Variants in MGST1 observed in about 807,000 individuals in gnomAD.
MGST1 encodes microsomal glutathione S-transferase 1.
Under a neutral mutation model 8.9 loss-of-function variants are expected in MGST1, and 5 were observed. The ratio of observed to expected loss-of-function variants is 0.56; its 90% CI spans 0.29 to 1.19. MGST1 has a LOEUF of 1.19. Ranked by LOEUF, MGST1 falls within the 50% of genes most tolerant of loss-of-function variation. The pLI, the probability that MGST1 is intolerant of heterozygous loss-of-function variation, is 0.08. For missense variants in MGST1, 182 were observed against 187.4 expected, an observed-to-expected ratio of 0.97 and a Z score of 0.17; for synonymous variants, 54 against 67.8, an observed-to-expected ratio of 0.80 and a Z score of 1.00.
At chr12:16,483,988 T>C (rs1941381799) in intron 4 of MGST1, among the ~76,000 whole-genome samples, 1 of 152,200 alleles carries the variant, frequency 6.6e-6, no homozygotes, top group African/African-American at 2.4e-5. Context: ...AGTAATATCA[T>C]ATTGCACATA....
At chr12:16,579,266 A>C (rs957989374) in intron 4 of MGST1, among the ~76,000 whole-genome samples, 4 of 152,258 alleles carry the variant, frequency 2.6e-5, no homozygotes, top group African/African-American at 9.6e-5. Context: ...TTAGGAAACC[A>C]AGAACAAGAA....
In MGST1 at chr12:16,361,260, C is replaced by G. The variant is rs1233996337; in HGVS notation, c.222-2535C>G. ...CAGCTCCTTTTGTAGTTGTTCACAG[C>G]CTGACAATCCCCAGAAGCATGTAGC... On this transcript the variant is annotated intron_variant, in intron 3 of 3. Coordinates refer to ENST00000396210, the MANE Select transcript of MGST1 (RefSeq NM_020300.5). The surrounding 1 kb of genome is among the most constrained non-coding windows in gnomAD (Gnocchi z 4.2). Among the ~76,000 whole-genome samples, 1 of 152,116 alleles carries G rather than the reference C, an allele frequency of 6.6e-6. No homozygotes were observed. The highest frequency in any genetic ancestry group is 2.4e-5 in the African/African-American group (1 of 41,414).
chr12:16,368,779 A>C (rs1940237587), downstream of MGST1, among the ~76,000 whole-genome samples: 1 of 152,174 alleles, frequency 6.6e-6, no homozygotes, highest in South Asian at 2.1e-4. Context: ...ACAGCCCTGC[A>C]TAAAATGTGA....
rs1941519474 is a variant in MGST1, at chr12:16,503,635, C to T, written n.483-85893C>T. Among the ~76,000 whole-genome samples, 1 of 152,092 alleles carries T rather than the reference C, an allele frequency of 6.6e-6. No homozygotes were observed. Among genetic ancestry groups the T allele is most frequent in the East Asian group, 1.9e-4 (1 of 5,166 alleles). On this transcript the variant is annotated intron_variant and non_coding_transcript_variant, in intron 4 of 4. Coordinates refer to the MGST1 transcript ENST00000538857. The surrounding 1 kb of genome is among the most constrained non-coding windows in gnomAD (Gnocchi z 4.8). ...CTGGAGGTAGGGCTTGAACCCCAGA[C>T]CGAAAGGAGGGCTAGTTGAAATAGG...
At chr12:16,532,578 A>G (rs1280752070) in intron 4 of MGST1, among the ~76,000 whole-genome samples, 4 of 152,130 alleles carry the variant, frequency 2.6e-5, no homozygotes, top group African/African-American at 9.7e-5. Flanking sequence ...ACAGAATCAT[A>G]AACAGTTGAT....
At position 16,584,563 on chromosome 12, in the gene MGST1, T is replaced by G. The variant is rs983249480; in HGVS notation, n.483-4965T>G. On this transcript the variant is annotated intron_variant and non_coding_transcript_variant, in intron 4 of 4. Coordinates refer to the MGST1 transcript ENST00000538857. This position sits in a 1 kb window ranked among gnomAD's most constrained non-coding sequence, Gnocchi z 5.2. ...GAATGGAAACAAGAGACGTTTTAGA[T>G]TAACATTGGCAAGTGGAGGAGTGGG... is the stretch of plus-strand genomic sequence containing the variant. Among the ~76,000 whole-genome samples, 1 of 151,710 alleles carries G rather than the reference T, an allele frequency of 6.6e-6. No homozygotes were observed. Among genetic ancestry groups the G allele is most frequent in the African/African-American group, 2.4e-5 (1 of 41,070 alleles).
intron 1 of MGST1, among the ~76,000 whole-genome samples, chr12:16,432,731 C>CACACACACACACACACAGAG (rs775306657): frequency 7.5e-6 from 1 of 132,672 alleles, no homozygotes; most frequent in African/African-American, 2.8e-5. Flanking sequence ...CACACACACA[C>CACACACACACACACACAGAG]AGAGAGAGAG....
chr12:16,578,788 A>G (rs1457209835), intron 4 of MGST1, among the ~76,000 whole-genome samples: 10 of 151,928 alleles, frequency 6.6e-5, no homozygotes. Context: ...ACTGAACTCC[A>G]GCCTGGGAGA....
chr12:16,521,095 C>G (rs1941645842), intron 4 of MGST1, among the ~76,000 whole-genome samples: 1 of 152,152 alleles, frequency 6.6e-6, no homozygotes, highest in Non-Finnish European at 1.5e-5. Context: ...GATTACCGCT[C>G]TTTAGGTACT....
At chr12:16,520,018 C>T (rs1044503686) in intron 4 of MGST1, among the ~76,000 whole-genome samples, 4 of 152,068 alleles carry the variant, frequency 2.6e-5, no homozygotes, top group South Asian at 2.1e-4. Context: ...AAATAAACAA[C>T]GATAAAAGTA....
chr12:16,583,200 G>A (rs1208197441), intron 4 of MGST1, among the ~76,000 whole-genome samples: 1 of 152,174 alleles, frequency 6.6e-6, no homozygotes, highest in Non-Finnish European at 1.5e-5. Flanking sequence ...GCAATTGGAT[G>A]TCAGTAACAG....
rs940164582 is a variant in MGST1, at chr12:16,416,131, A to T, written n.779-21257A>T. On this transcript the variant is annotated intron_variant and non_coding_transcript_variant, in intron 1 of 1. Transcript: ENST00000359720. ...TTTAAATATTCAATGTGAGAATAAGATATAAAATGAGACCATGAGGAAAAG... is the reference window on the plus strand; with the variant it reads ...TTTAAATATTCAATGTGAGAATAAGTTATAAAATGAGACCATGAGGAAAAG... Among the ~76,000 whole-genome samples, 14 of 152,306 alleles carry T rather than the reference A, an allele frequency of 9.2e-5. No homozygotes were observed. In the East Asian group the frequency reaches 2.5e-3, roughly 27 times the overall value.
chr12:16,578,171 C>T lies in MGST1; in HGVS notation n.483-11357C>T, dbSNP rs116735687. ...TCTTTAAACTCATAGTTTCATGAAA[C>T]TTAGAAAATGTTAACTAACTACCTA... On this transcript the variant is annotated intron_variant and non_coding_transcript_variant, in intron 4 of 4. Transcript: ENST00000538857. Among the ~76,000 whole-genome samples the T allele has an allele frequency of 4.0e-3, 610 of 152,238 alleles. 2 individuals carry two copies. Among genetic ancestry groups the T allele is most frequent in the African/African-American group, 0.013 (542 of 41,510 alleles).
downstream of MGST1, among the ~76,000 whole-genome samples, chr12:16,442,157 G>T (rs1366131724): frequency 6.6e-6 from 1 of 151,600 alleles, no homozygotes; most frequent in Non-Finnish European, 1.5e-5. This position sits in a 1 kb window ranked among gnomAD's most constrained non-coding sequence, Gnocchi z 4.5. Context: ...TTTTAAATAG[G>T]GTTGTTCATT....
Position 16,559,837 on chromosome 12 carries a change from C to G in MGST1, n.483-29691C>G, listed in dbSNP as rs182046291. Among the ~76,000 whole-genome samples, 370 of 151,648 alleles carry G rather than the reference C, an allele frequency of 2.4e-3. 1 individual carries two copies. Among genetic ancestry groups the G allele is most frequent in the Admixed American group, 5.6e-3 (85 of 15,214 alleles). On this transcript the variant is annotated intron_variant and non_coding_transcript_variant, in intron 4 of 4. Coordinates refer to the MGST1 transcript ENST00000538857. This position sits in a 1 kb window ranked among gnomAD's most constrained non-coding sequence, Gnocchi z 4.1. ...ATTAGCCAGGCATGGGAGTGCACAC[C>G]TGTACTCCCAGCTACTCGGGAGGCT...
chr12:16,581,611 A>G (rs1484036682), intron 4 of MGST1, among the ~76,000 whole-genome samples: 1 of 152,206 alleles, frequency 6.6e-6, no homozygotes, highest in Non-Finnish European at 1.5e-5. Context: ...TTCTTTCACA[A>G]TGTTAAAACA....
At chr12:16,490,221 C>T (rs981091669) in intron 4 of MGST1, among the ~76,000 whole-genome samples, 8 of 152,100 alleles carry the variant, frequency 5.3e-5, no homozygotes, top group Admixed American at 5.2e-4. Flanking sequence ...TAGGATGATG[C>T]CCCTGCACTC....
At chr12:16,475,668 T>G (rs1941317877) in intron 4 of MGST1, among the ~76,000 whole-genome samples, 1 of 152,168 alleles carries the variant, frequency 6.6e-6, no homozygotes, top group African/African-American at 2.4e-5. Flanking sequence ...GCTGGGCTCA[T>G]GTTGGTTAAG....
At chr12:16,450,937 C>G (rs547343243) in intron 4 of MGST1, among the ~76,000 whole-genome samples, 1 of 151,674 alleles carries the variant, frequency 6.6e-6, no homozygotes, top group South Asian at 2.1e-4. Context: ...GTACAATTAT[C>G]TGAATTTGAA....
Sources: allele counts gnomAD v4.1 joint callset (sites outside exome capture counted in the v4.1 genomes callset), GRCh38; gene constraint gnomAD v4.1.1; non-coding constraint Gnocchi (gnomAD v3.1); transcripts MANE v1.5; gene names NCBI Gene and HGNC (gene_info 2026-07-23, HGNC 2026-07-21).